DENND5B: variants seen among roughly 807,000 people sequenced by gnomAD.
DENND5B encodes the protein DENN domain-containing protein 5B.
DENND5B carries 34 observed loss-of-function variants against 140.6 expected under a neutral mutation model. The observed-to-expected ratio is 0.24, with a 90% CI of 0.18 to 0.32. DENND5B has a LOEUF of 0.32. DENND5B is among the 10% of genes least tolerant of loss of function. The pLI is 1.00. For missense variants in DENND5B, 1,142 were observed against 1,560.2 expected (o/e 0.73, Z 4.52); for synonymous variants, 551 against 562.1 (o/e 0.98, Z 0.28).
chr12:31,523,744 TAAC>T (rs1203920797), intron 1 of DENND5B, among the ~76,000 whole-genome samples: 7 of 152,184 alleles, frequency 4.6e-5, no homozygotes, highest in Non-Finnish European at 5.9e-5. Context: ...ACAAGAAAGA[TAAC>T]TACAGGATTA....
intron 3 of DENND5B, among the ~76,000 whole-genome samples, chr12:31,469,847 T>C (rs181110909): frequency 4.8e-4 from 73 of 152,258 alleles, no homozygotes; most frequent in Admixed American, 4.1e-3. Flanking sequence ...CCTCTTGCCA[T>C]GTGATTCTGG....
Position 31,572,426 on chromosome 12 carries a change from A to C in DENND5B, c.127+18280T>G, listed in dbSNP as rs1018000747. On this transcript the variant is annotated intron_variant, in intron 1 of 20. Transcript: ENST00000389082. ...GAAAGTCCTATTAAAAAATGTCTGA[A>C]ACAAAGCAAATACTTAATTTTCTGG... 2.6e-5 allele frequency among the ~76,000 whole-genome samples: 4 copies of C among 152,222 alleles called. No individual in the cohort carries two copies. In the East Asian group the frequency reaches 7.7e-4, roughly 29 times the overall value.
In DENND5B at chr12:31,386,389, C is replaced by A. The variant is rs989851265; in HGVS notation, c.*1214G>T. ...TTTTGGTCTTTCAAAATTGTTGCCA[C>A]CTCTTGCTTTGCTTCCATTTTGTCA... is the stretch of plus-strand genomic sequence containing the variant. On this transcript the variant is annotated 3_prime_UTR_variant, in exon 21 of 21. Transcript: ENST00000389082. The A allele has an allele frequency of 6.5e-6, 1 of 153,242 alleles. No homozygotes were observed. The highest frequency in any genetic ancestry group is 6.5e-5 in the Admixed American group (1 of 15,282). 9.5% of individuals were successfully genotyped at this position (153,242 alleles called of 1,614,324 possible). A position where few individuals can be genotyped will look rare whatever the true frequency, so the allele number is the denominator to read the frequency against.
At chr12:31,530,652 C>T (rs919444146) in intron 1 of DENND5B, among the ~76,000 whole-genome samples, 3 of 152,078 alleles carry the variant, frequency 2.0e-5, no homozygotes, top group African/African-American at 7.2e-5. Context: ...CATTTTCACG[C>T]TCTTTAAAAA....
intron 2 of DENND5B, among the ~76,000 whole-genome samples, chr12:31,494,787 A>G (rs1946693828): frequency 6.6e-6 from 1 of 152,206 alleles, no homozygotes; most frequent in Non-Finnish European, 1.5e-5. Flanking sequence ...TACTTCATTT[A>G]CATAGAGTGT....
At chr12:31,504,065 A>G (rs191068658) in intron 1 of DENND5B, among the ~76,000 whole-genome samples, 242 of 152,316 alleles carry the variant, frequency 1.6e-3, no homozygotes, top group Admixed American at 5.0e-3. Flanking sequence ...AGTCCAATTA[A>G]CTTCAGTTTA....
At chr12:31,587,222 T>C (rs1950425072) in intron 1 of DENND5B, among the ~76,000 whole-genome samples, 1 of 152,212 alleles carries the variant, frequency 6.6e-6, no homozygotes, top group African/African-American at 2.4e-5. Flanking sequence ...GTCTTGTCTA[T>C]GTGACATCTC....
At chr12:31,399,078 C>A (rs538085832) in intron 16 of DENND5B, among the ~76,000 whole-genome samples, 1 of 136,344 alleles carries the variant, frequency 7.3e-6, no homozygotes, top group African/African-American at 2.7e-5. Context: ...GCCGAGATTG[C>A]GCCATTGCAC....
chr12:31,570,105 G>C (rs1592069668), intron 1 of DENND5B, among the ~76,000 whole-genome samples: 1 of 150,496 alleles, frequency 6.6e-6, no homozygotes, highest in East Asian at 2.0e-4. Flanking sequence ...TGAGGCAGGA[G>C]AATCACTGGA....
intron 3 of DENND5B, among the ~76,000 whole-genome samples, chr12:31,467,953 T>C (rs1269727770): frequency 6.6e-6 from 1 of 151,848 alleles, no homozygotes; most frequent in Non-Finnish European, 1.5e-5. Context: ...TAAATGAAAT[T>C]TTAAAAATTC....
intron 5 of DENND5B, 96 bp downstream of exon 5, chr12:31,451,844 G>T: frequency 7.2e-7 from 1 of 1,392,342 alleles, no homozygotes; most frequent in Non-Finnish European, 9.7e-7. Flanking sequence ...TAATATATGG[G>T]TAAGCATAGG....
intron 1 of DENND5B, among the ~76,000 whole-genome samples, chr12:31,506,080 C>T (rs553893578): frequency 3.9e-5 from 6 of 152,180 alleles, no homozygotes; most frequent in Admixed American, 1.3e-4. Flanking sequence ...GTGATCTGCC[C>T]GCCTCAGCCT....
intron 8 of DENND5B, 109 bp downstream of exon 8, chr12:31,433,046 G>GT (rs200700052): frequency 0.034 from 27,273 of 795,346 alleles, 54 homozygotes; most frequent in South Asian, 0.046. Context: ...TAACTAAACA[G>GT]TTTTTTTTTT....
At chr12:31,561,897 G>A (rs896447790) in intron 1 of DENND5B, among the ~76,000 whole-genome samples, 1 of 152,126 alleles carries the variant, frequency 6.6e-6, no homozygotes, top group East Asian at 1.9e-4. Flanking sequence ...AACTTTCTCC[G>A]TAAGTTTAAG....
intron 1 of DENND5B, among the ~76,000 whole-genome samples, chr12:31,509,219 C>T (rs1008067913): frequency 1.3e-5 from 2 of 152,180 alleles, no homozygotes; most frequent in African/African-American, 4.8e-5. Context: ...TCAACATCAA[C>T]GTTTACACAA....
chr12:31,481,543 G>A (rs1002598438), intron 2 of DENND5B, among the ~76,000 whole-genome samples: 1 of 152,192 alleles, frequency 6.6e-6, no homozygotes, highest in African/African-American at 2.4e-5. Context: ...AAAAAATGAA[G>A]CCCAACTGAA....
Position 31,396,053 on chromosome 12 carries a change from C to CCTGTTTTTTTTTTT in DENND5B, c.3256+2121_3256+2122insAAAAAAAAAAACAG, listed in dbSNP as rs1399702795. Among the ~76,000 whole-genome samples, 5 of 102,844 alleles carry CCTGTTTTTTTTTTT rather than the reference C, an allele frequency of 4.9e-5. 1 individual carries two copies. The highest frequency in any genetic ancestry group is 5.8e-5 in the Non-Finnish European group (3 of 51,544). 67.5% of individuals were successfully genotyped at this position (102,844 alleles called of 152,430 possible). ...TAGCTTCTGGTGGCTGTTGGCATTCCTTGTTTTTTTTTTTTTTTTTTTTTT... is the reference window on the plus strand; with the variant it reads ...TAGCTTCTGGTGGCTGTTGGCATTCCCTGTTTTTTTTTTTTTGTTTTTTTTTTTTTTTTTTTTTT... On this transcript the variant is annotated intron_variant, in intron 17 of 20. Transcript: ENST00000389082.
chr12:31,429,482 C>T (rs1396941015), intron 8 of DENND5B, among the ~76,000 whole-genome samples: 1 of 152,192 alleles, frequency 6.6e-6, no homozygotes, highest in Non-Finnish European at 1.5e-5. Flanking sequence ...GGTCTTGGCT[C>T]ACCACAAACT....
intron 1 of DENND5B, among the ~76,000 whole-genome samples, chr12:31,558,776 A>G (rs1392847705): frequency 6.6e-6 from 1 of 152,156 alleles, no homozygotes; most frequent in Non-Finnish European, 1.5e-5. Flanking sequence ...AGCATTAACT[A>G]TGCATCCATT....
Sources: allele counts gnomAD v4.1 joint callset (sites outside exome capture counted in the v4.1 genomes callset), GRCh38; gene constraint gnomAD v4.1.1; transcripts MANE v1.5; gene names NCBI Gene and HGNC (gene_info 2026-07-23, HGNC 2026-07-21).